The following PTPRK variants were observed in gnomAD, a reference collection of about 807,000 sequenced individuals.
PTPRK encodes protein tyrosine phosphatase receptor type K.
In PTPRK, 75 loss-of-function variants were observed where a neutral mutation model predicts 178.0. That is an observed-to-expected ratio of 0.42 (90% CI 0.35 to 0.51). The LOEUF is 0.51. Ranked by LOEUF, PTPRK falls within the 20% of genes least tolerant of loss-of-function variation. PTPRK has a pLI of 0.02. For synonymous variants in PTPRK, 637 were observed against 620.6 expected (o/e 1.03, Z -0.39); for missense variants, 1,441 against 1,797.8 (o/e 0.80, Z 3.59).
At chr6:128,047,978 T>C (rs1429995457) in intron 13 of PTPRK, among the ~76,000 whole-genome samples, 1 of 152,168 alleles carries the variant, frequency 6.6e-6, no homozygotes, top group Non-Finnish European at 1.5e-5. Flanking sequence ...CATATCCTGA[T>C]AAAACAATGC....
chr6:128,039,849 C>G lies in PTPRK; in HGVS notation c.2194+24909G>C, dbSNP rs562205794. 1.4e-4 allele frequency among the ~76,000 whole-genome samples: 21 copies of G among 152,276 alleles called. 2 individuals carry two copies. The South Asian group carries it at 4.3e-3, about 32-fold the overall frequency. ...AATGTCTGATTTAGTGCATTACAGA[C>G]AGGAAGCACATAATACTTTCTGAAT... is the stretch of plus-strand genomic sequence containing the variant. On this transcript the variant is annotated intron_variant, in intron 13 of 29. Coordinates refer to ENST00000368226, the MANE Select transcript of PTPRK (RefSeq NM_002844.4).
intron 5 of PTPRK, among the ~76,000 whole-genome samples, chr6:128,232,366 G>C (rs1812450211): frequency 6.6e-6 from 1 of 152,228 alleles, no homozygotes; most frequent in African/African-American, 2.4e-5. Context: ...CACAGTTATA[G>C]AATCACATGT....
At chr6:128,358,289 A>G (rs1834226856) in intron 2 of PTPRK, among the ~76,000 whole-genome samples, 1 of 152,166 alleles carries the variant, frequency 6.6e-6, no homozygotes, top group Non-Finnish European at 1.5e-5. Flanking sequence ...CCATTCAGAC[A>G]CCATCGGTGG....
chr6:128,374,210 A>C (rs754713215), intron 2 of PTPRK, among the ~76,000 whole-genome samples: 12 of 152,098 alleles, frequency 7.9e-5, no homozygotes, highest in Non-Finnish European at 1.8e-4. Flanking sequence ...TTTCCTTTGT[A>C]CATTTCTCTA....
intron 3 of PTPRK, among the ~76,000 whole-genome samples, chr6:128,316,893 T>G (rs1006183175): frequency 2.0e-5 from 3 of 151,954 alleles, no homozygotes; most frequent in Non-Finnish European, 4.4e-5. Flanking sequence ...ATTTCAGGAT[T>G]CTAAGTTTCA....
At chr6:128,264,904 A>T (rs1464507479) in intron 3 of PTPRK, among the ~76,000 whole-genome samples, 1 of 152,134 alleles carries the variant, frequency 6.6e-6, no homozygotes, top group African/African-American at 2.4e-5. Context: ...TCCCTGCACA[A>T]GCTCTCTCTT....
chr6:128,368,077 G>A (rs1835768681), intron 2 of PTPRK, among the ~76,000 whole-genome samples: 1 of 152,212 alleles, frequency 6.6e-6, no homozygotes, highest in African/African-American at 2.4e-5. Context: ...TGCTGAGTTT[G>A]TTTTGTAAGT....
At chr6:128,005,061 TA>T (rs777724064) in intron 15 of PTPRK, 22 bp downstream of exon 15, 1 of 1,586,490 alleles carries the variant, frequency 6.3e-7, no homozygotes. Flanking sequence ...CATCATTTAT[TA>T]AAATTTTAAT....
rs57723685 is a variant in PTPRK, at chr6:128,503,842, T to TTGTGTGTGTGTG, written c.100+16405_100+16416dup. On this transcript the variant is annotated intron_variant, in intron 1 of 29. Transcript: ENST00000368226. ...CATGCACCACTATGCCTGGTTATTA[T>TTGTGTGTGTGTG]TGTGTGTGTGTGTGTGTGTGTGTGT... Among the ~76,000 whole-genome samples the TTGTGTGTGTGTG allele has an allele frequency of 4.7e-3, 659 of 139,948 alleles. 2 individuals carry two copies. Among genetic ancestry groups the TTGTGTGTGTGTG allele is most frequent in the African/African-American group, 0.011 (407 of 36,804 alleles). The allele number at this position is 139,948 out of a possible 152,430, so 91.8% of individuals were successfully genotyped here. A position where few individuals can be genotyped will look rare whatever the true frequency, so the allele number is the denominator to read the frequency against.
intron 25 of PTPRK, among the ~76,000 whole-genome samples, chr6:127,979,461 T>C (rs1775006572): frequency 6.6e-6 from 1 of 152,242 alleles, no homozygotes; most frequent in Admixed American, 6.5e-5. Flanking sequence ...AAGTATTGTA[T>C]GCCATCTCTC....
At chr6:128,320,306 A>G (rs2128320227) in intron 3 of PTPRK, among the ~76,000 whole-genome samples, 1 of 152,314 alleles carries the variant, frequency 6.6e-6, no homozygotes, top group South Asian at 2.1e-4. Context: ...ATTAACATCA[A>G]TGATTCAAAG....
chr6:128,080,541 G>A (rs1481476662), intron 10 of PTPRK, among the ~76,000 whole-genome samples: 1 of 151,968 alleles, frequency 6.6e-6, no homozygotes, highest in African/African-American at 2.4e-5. Context: ...TATTATCTGA[G>A]AGTTTTTTAG....
intron 2 of PTPRK, among the ~76,000 whole-genome samples, chr6:128,323,019 T>A (rs1345616819): frequency 1.3e-5 from 2 of 152,108 alleles, no homozygotes; most frequent in Admixed American, 1.3e-4. Context: ...CCACTGCTAC[T>A]GGCCCCAGTT....
chr6:128,154,040 G>A (rs998953789), intron 7 of PTPRK, among the ~76,000 whole-genome samples: 2 of 151,760 alleles, frequency 1.3e-5, no homozygotes, highest in African/African-American at 4.8e-5. Flanking sequence ...ATTGATTTCT[G>A]ATTAGAGCAG....
At chr6:128,099,733 G>C (rs1364528142) in intron 7 of PTPRK, among the ~76,000 whole-genome samples, 2 of 152,016 alleles carry the variant, frequency 1.3e-5, no homozygotes, top group African/African-American at 4.8e-5. Context: ...AGACAGATAA[G>C]GACTGCAGGG....
At chr6:128,426,799 T>C (rs1400487043) in intron 1 of PTPRK, among the ~76,000 whole-genome samples, 1 of 152,168 alleles carries the variant, frequency 6.6e-6, no homozygotes, top group Non-Finnish European at 1.5e-5. Context: ...GTTTTTTTTC[T>C]TGATTTGCCT....
At chr6:128,460,851 T>G (rs1848968385) in intron 1 of PTPRK, among the ~76,000 whole-genome samples, 1 of 152,232 alleles carries the variant, frequency 6.6e-6, no homozygotes, top group Admixed American at 6.5e-5. Flanking sequence ...AAAGTTGATA[T>G]TAGTTTTACA....
chr6:128,155,963 CAT>C (rs1797885560), intron 7 of PTPRK, among the ~76,000 whole-genome samples: 1 of 151,904 alleles, frequency 6.6e-6, no homozygotes, highest in Non-Finnish European at 1.5e-5. Context: ...CACCAGTAAA[CAT>C]AATTCTGCTG....
intron 2 of PTPRK, among the ~76,000 whole-genome samples, chr6:128,393,989 T>A (rs1839961499): frequency 6.6e-6 from 1 of 152,172 alleles, no homozygotes; most frequent in Admixed American, 6.6e-5. Flanking sequence ...GGAAGACTCC[T>A]TCATGCCACC....
Sources: allele counts gnomAD v4.1 joint callset (sites outside exome capture counted in the v4.1 genomes callset), GRCh38; gene constraint gnomAD v4.1.1; transcripts MANE v1.5; gene names NCBI Gene and HGNC (gene_info 2026-07-23, HGNC 2026-07-21).